Variants in ABCC1 observed in about 807,000 individuals in gnomAD.
ABCC1 encodes the protein ATP binding cassette subfamily C member 1 (ABCC1 blood group).
ABCC1 carries 83 observed loss-of-function variants against 172.9 expected under a neutral mutation model. The observed-to-expected ratio is 0.48, with a 90% CI of 0.40 to 0.58. The LOEUF is 0.58. Among genes scored for constraint, ABCC1 ranks in the 20% least tolerant of loss-of-function variants. ABCC1 has a pLI of 0.00. For synonymous variants in ABCC1, 937 were observed against 825.2 expected, an observed-to-expected ratio of 1.14 and a Z score of -2.32; for missense variants, 1,817 against 2,002.7, an observed-to-expected ratio of 0.91 and a Z score of 1.77.
chr16:15,966,036 T>C (rs1303862496), intron 1 of ABCC1, among the ~76,000 whole-genome samples: 2 of 152,234 alleles, frequency 1.3e-5, no homozygotes, highest in South Asian at 2.1e-4. Context: ...TTTCTAAAAG[T>C]GAGCTGGCCC....
chr16:16,010,185 A>G (rs2047725133), intron 3 of ABCC1, among the ~76,000 whole-genome samples: 1 of 151,856 alleles, frequency 6.6e-6, no homozygotes, highest in African/African-American at 2.4e-5. Flanking sequence ...TTGGGACTAC[A>G]GGTGTGTGTC....
chr16:16,005,844 T>C (rs12934266), intron 1 of ABCC1, among the ~76,000 whole-genome samples: 75,509 of 151,730 alleles, frequency 0.5, 19,654 homozygotes, highest in Non-Finnish European at 0.59. Context: ...GTCCCAGCTA[T>C]TTAGGAGGTT....
At chr16:16,027,971 T>G (rs2048433085) in intron 5 of ABCC1, among the ~76,000 whole-genome samples, 1 of 152,196 alleles carries the variant, frequency 6.6e-6, no homozygotes, top group African/African-American at 2.4e-5. Context: ...TTTGATCTCA[T>G]TTAATCTTCA....
intron 15 of ABCC1, 126 bp from the exon 16 acceptor site, chr16:16,079,226 T>G (rs1308606351): frequency 1.3e-5 from 18 of 1,397,288 alleles, no homozygotes; most frequent in Non-Finnish European, 1.8e-5. Flanking sequence ...CTTCAGTGTT[T>G]AGTACAGTCT....
rs1408585832 is a variant in ABCC1, at chr16:16,030,118, G to A, written c.616-2991G>A. 2.0e-5 allele frequency among the ~76,000 whole-genome samples: 3 copies of A among 152,308 alleles called. No individual in the cohort carries two copies. The East Asian group carries it at 5.8e-4, about 29-fold the overall frequency. ...CCAAATGAGTACATTTGGGAAAGGTGGAGAAAATACTTGTTTCTTTCCGCT... is the reference window on the plus strand; with the variant it reads ...CCAAATGAGTACATTTGGGAAAGGTAGAGAAAATACTTGTTTCTTTCCGCT... On this transcript the variant is annotated intron_variant, in intron 5 of 30. Coordinates refer to ENST00000399410, the MANE Select transcript of ABCC1 (RefSeq NM_004996.4).
At chr16:16,066,307 G>A (rs537495372) in intron 12 of ABCC1, among the ~76,000 whole-genome samples, 1 of 151,978 alleles carries the variant, frequency 6.6e-6, no homozygotes, top group East Asian at 2.0e-4. Flanking sequence ...TCAGCCTACT[G>A]AGTAGCTGGG....
intron 30 of ABCC1, among the ~76,000 whole-genome samples, chr16:16,139,512 T>G (rs971618623): frequency 2.1e-5 from 3 of 140,112 alleles, no homozygotes; most frequent in African/African-American, 8.1e-5. Context: ...CTTGGGAGGC[T>G]GAGGAAGGAG....
chr16:16,138,524 G>T lies in ABCC1; in HGVS notation c.4453G>T (p.Ala1485Ser), dbSNP rs375879039. The change falls in exon 30 of 31, where the codon GCC becomes TCC. Residue 1485 changes from alanine to serine, a missense_variant. This residue lies in a region of ABCC1 where 1,412 missense variants were observed against 1,600.3 expected (regional missense o/e 0.88). Transcript: ENST00000399410. ...QFEDCTVLTI[A>S]HRLNTIMDYT... The stretch of plus-strand genomic sequence containing the variant: ...CGAGGACTGCACCGTCCTCACCATC[G>T]CCCACCGGCTCAACACCATCATGGA... 1.9e-6 allele frequency: 3 copies of T among 1,577,502 alleles called. No individual in the cohort carries two copies. Among genetic ancestry groups the T allele is most frequent in the Non-Finnish European group, 2.6e-6 (3 of 1,157,706 alleles).
Position 15,951,712 on chromosome 16 carries a change from CAG to C in ABCC1, c.48+1916_48+1917del, listed in dbSNP as rs553556669. ...TTTTTTTTCTTTTTCTTTTTTGAGACAGAGTCTTGCTCTGTCACCCAGGCTGG... is the reference window on the plus strand; with the variant it reads ...TTTTTTTTCTTTTTCTTTTTTGAGACAGTCTTGCTCTGTCACCCAGGCTGG... On this transcript the variant is annotated intron_variant, in intron 1 of 30. Transcript: ENST00000399410. Among the ~76,000 whole-genome samples the C allele has an allele frequency of 2.8e-3, 430 of 151,540 alleles. 2 individuals carry two copies. The highest frequency in any genetic ancestry group is 0.01 in the African/African-American group (413 of 41,270).
chr16:16,087,734 C>A (rs1348582022), intron 18 of ABCC1, among the ~76,000 whole-genome samples: 1 of 152,220 alleles, frequency 6.6e-6, no homozygotes, highest in Non-Finnish European at 1.5e-5. Context: ...GCTGGGATTA[C>A]AGGCGTGAGC....
rs184943977 is a variant in ABCC1, at chr16:16,063,350, C to T, written c.1678-4806C>T. 2.9e-3 allele frequency among the ~76,000 whole-genome samples: 440 copies of T among 152,180 alleles called. 1 individual carries two copies. The highest frequency in any genetic ancestry group is 0.014 in the Middle Eastern group (4 of 294). Reference sequence around the variant, plus strand: ...CTCAAACTCCTGACCTCAAGTGATCCGCCCACCTCGGCCTCCCAAAGTGCT... The same window carrying T: ...CTCAAACTCCTGACCTCAAGTGATCTGCCCACCTCGGCCTCCCAAAGTGCT... On this transcript the variant is annotated intron_variant, in intron 12 of 30. Transcript: ENST00000399410.
intron 1 of ABCC1, among the ~76,000 whole-genome samples, chr16:15,954,476 G>T (rs1274628120): frequency 6.6e-6 from 1 of 152,160 alleles, no homozygotes; most frequent in Non-Finnish European, 1.5e-5. Flanking sequence ...TGAGGTCCAG[G>T]ATGGTGACAT....
chr16:16,000,425 A>G (rs1486846443), intron 1 of ABCC1, among the ~76,000 whole-genome samples: 1 of 151,184 alleles, frequency 6.6e-6, no homozygotes, highest in Non-Finnish European at 1.5e-5. Context: ...GATTACAGGC[A>G]TGAGCCACCG....
intron 1 of ABCC1, among the ~76,000 whole-genome samples, chr16:16,001,480 G>A (rs532909283): frequency 1.3e-5 from 2 of 152,180 alleles, no homozygotes; most frequent in South Asian, 2.1e-4. Context: ...GATTACAAGC[G>A]TGAGCCACCG....
chr16:15,966,572 A>G (rs980694714), intron 1 of ABCC1, among the ~76,000 whole-genome samples: 1 of 151,958 alleles, frequency 6.6e-6, no homozygotes, highest in African/African-American at 2.4e-5. Context: ...ATAAGGCTTC[A>G]CTAATTTACT....
rs930071752 is a variant in ABCC1 at position 16,068,398 on chromosome 16, A to G, written c.1824+96A>G. On this transcript the variant is annotated intron_variant, in intron 13 of 30. Transcript: ENST00000399410. The stretch of plus-strand genomic sequence containing the variant: ...CCCCCGAGCGCAGCCTCTAGATCAC[A>G]CTCCCGGTCGGGCTCCATGAGGCCC... 5 of 1,442,940 alleles carry G rather than the reference A, an allele frequency of 3.5e-6. No homozygotes were observed. In the Admixed American group the frequency reaches 5.4e-5, roughly 16 times the overall value. 89.4% of individuals were successfully genotyped at this position (1,442,940 alleles called of 1,614,324 possible).
intron 1 of ABCC1, among the ~76,000 whole-genome samples, chr16:15,972,331 A>G (rs138907591): frequency 1.7e-4 from 26 of 152,240 alleles, no homozygotes; most frequent in Non-Finnish European, 3.2e-4. Context: ...AAACAGCCCT[A>G]CTTCAGCAGC....
chr16:16,064,904 A>G (rs1050524099), intron 12 of ABCC1, among the ~76,000 whole-genome samples: 1 of 152,266 alleles, frequency 6.6e-6, no homozygotes, highest in African/African-American at 2.4e-5. Context: ...TGCTAGAGAA[A>G]GCCATCCTAA....
chr16:16,009,862 A>G lies in ABCC1; in HGVS notation c.312A>G (p.Pro104=), dbSNP rs61731710. 7 of 1,611,102 alleles carry G rather than the reference A, an allele frequency of 4.3e-6. No homozygotes were observed. The highest frequency in any genetic ancestry group is 4.2e-6 in the Non-Finnish European group (5 of 1,178,964). Reference sequence around the variant, plus strand: ...GAAGTCGGGGCATATTCCTGGCCCCAGTGTTTCTGGTCAGCCCAACTCTCT... The same window carrying G: ...GAAGTCGGGGCATATTCCTGGCCCCGGTGTTTCTGGTCAGCCCAACTCTCT... ...WERSRGIFLA[P]VFLVSPTLLG... The change falls in exon 3 of 31, where the codon CCA becomes CCG. Residue 104 remains proline, a synonymous_variant. Transcript: ENST00000399410.
Sources: gnomAD v4.1 joint callset for allele counts (sites outside exome capture counted in the v4.1 genomes callset) on GRCh38, gnomAD v4.1.1 for gene constraint, gnomAD v4.1.1 regional missense constraint, MANE v1.5 for transcripts, NCBI Gene and HGNC (gene_info 2026-07-23, HGNC 2026-07-21) for gene names.